Variants in GIMAP5 observed in about 807,000 individuals in gnomAD.
The protein encoded by GIMAP5 is GTPase IMAP family member 5.
In GIMAP5, 8 loss-of-function variants were observed where a neutral mutation model predicts 9.9. That is an observed-to-expected ratio of 0.81 (90% CI 0.47 to 1.45). The LOEUF (loss-of-function observed/expected upper bound fraction) is 1.45, where lower values mean the gene tolerates loss of function less well. Ranked by LOEUF, GIMAP5 falls within the 40% of genes most tolerant of loss-of-function variation. The pLI, the probability that GIMAP5 is intolerant of heterozygous loss-of-function variation, is 0.00. For missense variants in GIMAP5, 353 were observed against 367.4 expected (o/e 0.96, Z 0.32); for synonymous variants, 174 against 151.4 (o/e 1.15, Z -1.09).
Position 150,737,502 on chromosome 7 carries a change from C to T in GIMAP5, c.-213C>T, listed in dbSNP as rs1797532249. 9.1e-6 allele frequency: 14 copies of T among 1,534,658 alleles called. No homozygotes were observed. The East Asian group carries it at 3.2e-4, about 35-fold the overall frequency. On this transcript the variant is annotated 5_prime_UTR_variant, in exon 1 of 3. Transcript: ENST00000358647. The stretch of plus-strand genomic sequence containing the variant: ...CATAATCTCTACTTTTCTTTTTGTG[C>T]AGCTGAGTCATGGAGCTTTCAGCCC...
chr7:150,737,792 G>A (rs1336867149), intron 1 of GIMAP5, 84 bp downstream of exon 1: 9 of 1,117,250 alleles, frequency 8.1e-6, no homozygotes, highest in Non-Finnish European at 1.2e-5. Context: ...TTTCTGACAT[G>A]ACCTTGCACA....
chr7:150,737,615 C>A lies in GIMAP5; in HGVS notation c.-100C>A. The A allele has an allele frequency of 6.5e-7, 1 of 1,535,526 alleles. No homozygotes were observed. Among genetic ancestry groups the A allele is most frequent in the Non-Finnish European group, 8.7e-7 (1 of 1,146,714 alleles). ...CCGCACACAGACGCAGAGCAGGACT[C>A]TCTCTGCTGCCACTTCACCTTCCTG... is the stretch of plus-strand genomic sequence containing the variant. On this transcript the variant is annotated 5_prime_UTR_variant, in exon 1 of 3. Coordinates refer to ENST00000358647, the MANE Select transcript of GIMAP5 (RefSeq NM_018384.5).
At chr7:150,740,744 T>G in intron 1 of GIMAP5, 135 bp from the exon 2 acceptor site, 16 of 789,574 alleles carry the variant, frequency 2.0e-5, no homozygotes, top group East Asian at 5.1e-5. Context: ...AAGTAAAGTA[T>G]GAGTTAGAAA....
chr7:150,739,824 C>G (rs1797568755), intron 1 of GIMAP5: 1 of 151,858 alleles, frequency 6.6e-6, no homozygotes, highest in Admixed American at 6.6e-5. Flanking sequence ...ATTTCTTGAC[C>G]TAAAGAAGGC....
intron 2 of GIMAP5, among the ~76,000 whole-genome samples, chr7:150,741,670 C>G (rs1797596792): frequency 6.6e-6 from 1 of 152,228 alleles, no homozygotes; most frequent in African/African-American, 2.4e-5. Flanking sequence ...CAGGGACAGG[C>G]AGCTGACCCC....
At chr7:150,741,890 A>G (rs1249533122) in intron 2 of GIMAP5, among the ~76,000 whole-genome samples, 2 of 152,210 alleles carry the variant, frequency 1.3e-5, no homozygotes, top group Non-Finnish European at 2.9e-5. Context: ...GGGAAAACAC[A>G]AGGACCATTT....
intron 1 of GIMAP5, chr7:150,739,339 C>A (rs986986910): frequency 6.6e-6 from 1 of 152,114 alleles, no homozygotes. Flanking sequence ...AATATGTGAC[C>A]TTTGGCAGGT....
intron 1 of GIMAP5, chr7:150,738,560 A>G (rs1797550038): frequency 1.3e-5 from 2 of 152,332 alleles, no homozygotes; most frequent in African/African-American, 4.8e-5. Context: ...TCAAATCGGA[A>G]TGTGCATTTT....
In GIMAP5 at chr7:150,742,512, G is replaced by A. The variant is rs1299799008; in HGVS notation, c.373G>A (p.Ala125Thr). The A allele has an allele frequency of 3.7e-6, 6 of 1,614,198 alleles. No individual in the cohort carries two copies. The South Asian group carries it at 6.6e-5, about 18-fold the overall frequency. ...GGTGATCCAGCTGGGGCGTTTCACT[G>A]CTCAGGACACAGTGGCCATCAGGAA... is the stretch of plus-strand genomic sequence containing the variant. The part of the protein sequence containing the change: ...LLVIQLGRFT[A>T]QDTVAIRKVK... Residue 125 changes from alanine to threonine, a missense_variant, in exon 3 of 3, where the codon GCT (alanine) becomes ACT (threonine). Transcript: ENST00000358647.
In GIMAP5 at chr7:150,743,132, AG is replaced by A. The variant is rs1171386432; in HGVS notation, c.*70del. 19 of 1,526,462 alleles carry A rather than the reference AG, an allele frequency of 1.2e-5. No individual in the cohort carries two copies. In the African/African-American group the frequency reaches 2.5e-4, roughly 20 times the overall value. 94.6% of individuals were successfully genotyped at this position (1,526,462 alleles called of 1,614,324 possible). A position where few individuals can be genotyped will look rare whatever the true frequency, so the allele number is the denominator to read the frequency against. ...TCATTGTTCTAATAATCACCAATTC[AG>A]ACTCAGATCCTCGTGGTCTATGGAG... On this transcript the variant is annotated 3_prime_UTR_variant, in exon 3 of 3. Transcript: ENST00000358647.
chr7:150,740,931 A>C lies in GIMAP5; in HGVS notation c.43+4A>C. On this transcript the variant is annotated splice_donor_region_variant and intron_variant, in intron 2 of 2. Coordinates refer to ENST00000358647, the MANE Select transcript of GIMAP5 (RefSeq NM_018384.5). Reference sequence around the variant, plus strand: ...AAATATGGAACTATGGCTGAAGGTAAGAAAGTCTTGAAGTTCTCAAGAGCC... The same window carrying C: ...AAATATGGAACTATGGCTGAAGGTACGAAAGTCTTGAAGTTCTCAAGAGCC... 3.1e-6 allele frequency: 5 copies of C among 1,614,094 alleles called. No individual in the cohort carries two copies. Among genetic ancestry groups the C allele is most frequent in the Non-Finnish European group, 4.2e-6 (5 of 1,179,960 alleles).
intron 1 of GIMAP5, chr7:150,739,994 A>C (rs1192373039): frequency 1.3e-5 from 2 of 152,236 alleles, no homozygotes; most frequent in Non-Finnish European, 2.9e-5. Context: ...GCCAATTAAG[A>C]CATCCTTATT....
intron 1 of GIMAP5, 173 bp downstream of exon 1, chr7:150,737,881 G>T: frequency 1.6e-6 from 1 of 616,732 alleles, no homozygotes; most frequent in South Asian, 1.9e-5. Context: ...CAGGTGCACA[G>T]CTGGTGGAGC....
Position 150,742,278 on chromosome 7 carries a change from A to G in GIMAP5, c.139A>G (p.Ile47Val), listed in dbSNP as rs1232442467. The change falls in exon 3 of 3, where the codon ATC becomes GTC. Residue 47 changes from isoleucine to valine, a missense_variant. Coordinates refer to ENST00000358647, the MANE Select transcript of GIMAP5 (RefSeq NM_018384.5). ...GCGKSATGNSILGQPVFESKL... is the reference protein window; with the variant it reads ...GCGKSATGNSVLGQPVFESKL... ...CGGGAAAAGTGCCACAGGGAACAGC[A>G]TCCTTGGCCAGCCCGTGTTTGAGTC... The G allele has an allele frequency of 1.9e-6, 3 of 1,614,248 alleles. No individual in the cohort carries two copies. Among genetic ancestry groups the G allele is most frequent in the South Asian group, 2.2e-5 (2 of 91,088 alleles).
At chr7:150,740,388 C>T (rs1403387679) in intron 1 of GIMAP5, 1 of 161,960 alleles carries the variant, frequency 6.2e-6, no homozygotes, top group Non-Finnish European at 1.3e-5. Context: ...CTTGTAATTT[C>T]CTCTCCGCCG....
chr7:150,742,531 T>C lies in GIMAP5; in HGVS notation c.392T>C (p.Ile131Thr). The change falls in exon 3 of 3, where the codon ATC becomes ACC. Residue 131 changes from isoleucine (I) to threonine (T), a missense_variant. Ile to Thr is a moderately conservative substitution (Grantham distance 89, BLOSUM62 -1). Coordinates refer to ENST00000358647, the MANE Select transcript of GIMAP5 (RefSeq NM_018384.5). ...TTCACTGCTCAGGACACAGTGGCCA[T>C]CAGGAAGGTGAAAGAGGTCTTTGGG... ...GRFTAQDTVA[I>T]RKVKEVFGTG... 6.2e-7 allele frequency: 1 copy of C among 1,614,126 alleles called. No individual in the cohort carries two copies. Among genetic ancestry groups the C allele is most frequent in the Non-Finnish European group, 8.5e-7 (1 of 1,180,022 alleles).
rs1001318981 is a variant in GIMAP5, at chr7:150,737,646, G to C, written c.-69G>C. ...GCTGCCACTTCACCTTCCTGAGAGA[G>C]GACCAGCGGCCAGAGCCTCAGTGAC... On this transcript the variant is annotated 5_prime_UTR_variant, in exon 1 of 3. Coordinates refer to ENST00000358647, the MANE Select transcript of GIMAP5 (RefSeq NM_018384.5). 1.1e-5 allele frequency: 17 copies of C among 1,535,596 alleles called. No individual in the cohort carries two copies. The highest frequency in any genetic ancestry group is 2.7e-5 in the African/African-American group (2 of 73,038).
Position 150,740,934 on chromosome 7 carries a change from A to G in GIMAP5, c.43+7A>G. The G allele has an allele frequency of 1.9e-6, 3 of 1,614,080 alleles. No homozygotes were observed. Among genetic ancestry groups the G allele is most frequent in the Non-Finnish European group, 2.5e-6 (3 of 1,179,946 alleles). Reference sequence around the variant, plus strand: ...TATGGAACTATGGCTGAAGGTAAGAAAGTCTTGAAGTTCTCAAGAGCCCCA... The same window carrying G: ...TATGGAACTATGGCTGAAGGTAAGAGAGTCTTGAAGTTCTCAAGAGCCCCA... On this transcript the variant is annotated splice_region_variant and intron_variant, in intron 2 of 2. Coordinates refer to ENST00000358647, the MANE Select transcript of GIMAP5 (RefSeq NM_018384.5).
chr7:150,741,431 C>T (rs927823018), intron 2 of GIMAP5, among the ~76,000 whole-genome samples: 10 of 152,260 alleles, frequency 6.6e-5, no homozygotes, highest in South Asian at 2.1e-4. Flanking sequence ...TGAAGATTTT[C>T]GCTCCTGCCA....
Sources: allele counts gnomAD v4.1 joint callset (sites outside exome capture counted in the v4.1 genomes callset), GRCh38; gene constraint gnomAD v4.1.1; transcripts MANE v1.5; gene names NCBI Gene and HGNC (gene_info 2026-07-23, HGNC 2026-07-21).